EXT2: variants seen among roughly 807,000 people sequenced by gnomAD.
EXT2 encodes exostosin glycosyltransferase 2.
A neutral mutation model predicts 81.6 loss-of-function variants in EXT2; 53 were observed. That is an observed-to-expected ratio of 0.65 (90% CI 0.52 to 0.82). The LOEUF is 0.82. EXT2 is among the 40% of genes least tolerant of loss of function. The probability of loss-of-function intolerance (pLI) is 0.00; values close to 1 mark genes in which losing one functional copy is unlikely to be tolerated. For synonymous variants in EXT2, 320 were observed against 340.0 expected (o/e 0.94, Z 0.65); for missense variants, 774 against 910.2 (o/e 0.85, Z 1.93).
chr11:44,104,475 A>G (rs922014349), intron 1 of EXT2: 2 of 152,242 alleles, frequency 1.3e-5, no homozygotes, highest in African/African-American at 4.8e-5. Context: ...TAAAGGTTTA[A>G]AACCAGATGG....
chr11:44,238,278 G>C (rs1467822769), intron 13 of EXT2, among the ~76,000 whole-genome samples: 1 of 152,086 alleles, frequency 6.6e-6, no homozygotes, highest in Admixed American at 6.5e-5. Context: ...GAACTCCTAG[G>C]CTCAAGTGGT....
intron 10 of EXT2, among the ~76,000 whole-genome samples, chr11:44,230,544 A>G (rs927988498): frequency 3.3e-5 from 5 of 152,162 alleles, no homozygotes; most frequent in Admixed American, 6.6e-5. Context: ...TCACAGACTG[A>G]TGTCCTTATC....
At chr11:44,186,745 A>G (rs1955316493) in intron 8 of EXT2, among the ~76,000 whole-genome samples, 1 of 152,172 alleles carries the variant, frequency 6.6e-6, no homozygotes, top group African/African-American at 2.4e-5. Context: ...TTTCTTGAGG[A>G]TGATCTGAGT....
At chr11:44,116,901 T>G (rs997286182) in intron 4 of EXT2, 1 of 152,198 alleles carries the variant, frequency 6.6e-6, no homozygotes, top group Non-Finnish European at 1.5e-5. Flanking sequence ...CTATAACAGA[T>G]GTTAGAACCT....
At chr11:44,191,454 A>G (rs1424842938) in intron 8 of EXT2, among the ~76,000 whole-genome samples, 1 of 152,224 alleles carries the variant, frequency 6.6e-6, no homozygotes, top group East Asian at 1.9e-4. Context: ...CCTCTTCTCC[A>G]GCTCTGTTGC....
At chr11:44,126,669 G>T (rs1954409039) in intron 5 of EXT2, 147 bp from the exon 6 acceptor site, 2 of 876,812 alleles carry the variant, frequency 2.3e-6, no homozygotes, top group Non-Finnish European at 1.9e-6. Context: ...TTACAGGTGT[G>T]AGCTGTTGTC....
intron 10 of EXT2, among the ~76,000 whole-genome samples, chr11:44,208,445 G>A (rs1221404268): frequency 6.6e-6 from 1 of 152,190 alleles, no homozygotes; most frequent in African/African-American, 2.4e-5. Context: ...AAGCAACTAA[G>A]ACTATGTTAA....
At chr11:44,169,047 C>T (rs1565219651) in intron 7 of EXT2, among the ~76,000 whole-genome samples, 1 of 151,984 alleles carries the variant, frequency 6.6e-6, no homozygotes, top group Non-Finnish European at 1.5e-5. Context: ...TGGTGAAACC[C>T]CATCTCTACT....
intron 8 of EXT2, among the ~76,000 whole-genome samples, chr11:44,178,918 G>C (rs1174696717): frequency 6.6e-6 from 1 of 152,164 alleles, no homozygotes; most frequent in Non-Finnish European, 1.5e-5. Flanking sequence ...TTGCACAAGT[G>C]ATCCAGTATG....
chr11:44,117,162 T>C, intron 4 of EXT2, among the ~76,000 whole-genome samples: 1 of 151,916 alleles, frequency 6.6e-6, no homozygotes, highest in Non-Finnish European at 1.5e-5. Flanking sequence ...AGAGACGGGG[T>C]TTCTCCATGT....
chr11:44,241,027 CAGTT>C (rs1362974551), intron 13 of EXT2, among the ~76,000 whole-genome samples: 2 of 152,160 alleles, frequency 1.3e-5, no homozygotes, highest in East Asian at 3.8e-4. Flanking sequence ...ACAATGAAAG[CAGTT>C]AGCCACTTTA....
chr11:44,097,307 T>C (rs565110873), intron 1 of EXT2, among the ~76,000 whole-genome samples: 4 of 152,244 alleles, frequency 2.6e-5, no homozygotes, highest in Admixed American at 1.3e-4. Flanking sequence ...TGTTTTTAAT[T>C]GAAAATAATT....
chr11:44,203,675 C>T (rs1037556544), intron 9 of EXT2, among the ~76,000 whole-genome samples: 4 of 152,170 alleles, frequency 2.6e-5, no homozygotes, highest in South Asian at 4.1e-4. Flanking sequence ...TCCTGGGAAG[C>T]TGCCCCAGGG....
intron 13 of EXT2, among the ~76,000 whole-genome samples, chr11:44,239,952 G>A (rs1032205799): frequency 2.0e-5 from 3 of 151,994 alleles, no homozygotes; most frequent in East Asian, 1.9e-4. Flanking sequence ...TATAACCTTC[G>A]CATATCCTTC....
At chr11:44,195,265 T>A (rs932756634) in intron 8 of EXT2, among the ~76,000 whole-genome samples, 3 of 151,832 alleles carry the variant, frequency 2.0e-5, no homozygotes, top group Non-Finnish European at 4.4e-5. Flanking sequence ...AGAAACCCGG[T>A]CTCTACTAAA....
In EXT2 at chr11:44,108,038, A is replaced by G. The variant is rs376392283; in HGVS notation, c.326A>G (p.Tyr109Cys). ...AAGAACAAAATCAAGGTGTATATCT[A>G]TGCTCTGAAAAAGTACGTGGATGAC... ...NPKNKIKVYI[Y>C]ALKKYVDDFG... The change falls in exon 2 of 14, where the codon TAT becomes TGT. Residue 109 changes from tyrosine to cysteine, a missense_variant. Tyr to Cys is a radical substitution (Grantham distance 194). This residue lies in a region of EXT2 where 626 missense variants were observed against 670.5 expected (regional missense o/e 0.93). Coordinates refer to ENST00000533608, the MANE Select transcript of EXT2 (RefSeq NM_207122.2). 25 of 1,614,064 alleles carry G rather than the reference A, an allele frequency of 1.5e-5. No homozygotes were observed. The highest frequency in any genetic ancestry group is 8.0e-5 in the African/African-American group (6 of 74,934).
At chr11:44,197,183 C>T (rs1354375504) in intron 8 of EXT2, among the ~76,000 whole-genome samples, 2 of 152,120 alleles carry the variant, frequency 1.3e-5, no homozygotes, top group Non-Finnish European at 2.9e-5. Context: ...AGGGAAGAGT[C>T]GTTTTTCTGG....
intron 7 of EXT2, among the ~76,000 whole-genome samples, chr11:44,167,677 C>T (rs1321628545): frequency 6.8e-6 from 1 of 147,766 alleles, no homozygotes; most frequent in Non-Finnish European, 1.5e-5. Context: ...AAGAAGTGTG[C>T]TAAAATTGAG....
intron 10 of EXT2, among the ~76,000 whole-genome samples, chr11:44,225,031 G>T (rs1490296858): frequency 1.3e-5 from 2 of 152,104 alleles, no homozygotes; most frequent in Non-Finnish European, 2.9e-5. Flanking sequence ...CTTAGAAATA[G>T]TATGACCCAC....
Sources: gnomAD v4.1 joint callset for allele counts (sites outside exome capture counted in the v4.1 genomes callset) on GRCh38, gnomAD v4.1.1 for gene constraint, gnomAD v4.1.1 regional missense constraint, MANE v1.5 for transcripts, NCBI Gene and HGNC (gene_info 2026-07-23, HGNC 2026-07-21) for gene names.